RP1: variants seen among roughly 807,000 people sequenced by gnomAD.
RP1 encodes oxygen-regulated protein 1.
RP1 carries 16 observed loss-of-function variants against 14.8 expected under a neutral mutation model. The observed-to-expected ratio is 1.08, with a 90% CI of 0.73 to 1.65. RP1 has a LOEUF of 1.65. Ranked by LOEUF, RP1 falls within the 40% of genes most tolerant of loss-of-function variation. The pLI, the probability that RP1 is intolerant of heterozygous loss-of-function variation, is 0.00. For missense variants in RP1, 2,631 were observed against 2,535.0 expected (o/e 1.04, Z -0.81); for synonymous variants, 876 against 883.6 (o/e 0.99, Z 0.15).
Position 54,626,094 on chromosome 8 carries a change from A to G in RP1, c.2212A>G (p.Ile738Val). ...AGACCTCCAGAAAAGTGATACTGTA[A>G]TTGAATCAAATACTTTTTGTTCCAA... ...EEDLQKSDTV[I>V]ESNTFCSKSN... is the part of the protein sequence containing the mutation. The change falls in exon 4 of 4, where the codon ATT (isoleucine) becomes GTT (valine). Residue 738 changes from isoleucine to valine, a missense_variant. Transcript: ENST00000220676. The G allele has an allele frequency of 6.2e-7, 1 of 1,613,512 alleles. No homozygotes were observed. The highest frequency in any genetic ancestry group is 8.5e-7 in the Non-Finnish European group (1 of 1,179,700).
downstream of RP1, among the ~76,000 whole-genome samples, chr8:54,771,286 A>C (rs1809897602): frequency 6.6e-6 from 1 of 152,040 alleles, no homozygotes; most frequent in South Asian, 2.1e-4. Context: ...GTCAAGTAAT[A>C]AGGCTTGAAA....
intron 7 of RP1, among the ~76,000 whole-genome samples, chr8:54,670,571 ATG>A (rs1451997555): frequency 7.2e-6 from 1 of 138,746 alleles, no homozygotes; most frequent in African/African-American, 2.7e-5. Flanking sequence ...ATACATATAT[ATG>A]TATGTATATG....
chr8:54,810,708 C>T (rs572094199), intron 24 of RP1, among the ~76,000 whole-genome samples: 1 of 152,212 alleles, frequency 6.6e-6, no homozygotes, highest in Non-Finnish European at 1.5e-5. Context: ...TGTTCCAACA[C>T]TGTGCCTGCT....
exon 17 of RP1, chr8:54,726,459 T>C (rs1808656114): frequency 1.7e-5 from 26 of 1,531,128 alleles, no homozygotes; most frequent in Non-Finnish European, 2.1e-5. Context: ...AGGAGTCCCT[T>C]ACCTTCTTCA....
intron 22 of RP1, among the ~76,000 whole-genome samples, chr8:54,768,422 C>T (rs574694993): frequency 1.3e-5 from 2 of 152,234 alleles, no homozygotes; most frequent in Admixed American, 6.5e-5. Context: ...CCTCAGGTCA[C>T]GTTTCTTCTC....
At chr8:54,644,691 C>T (rs763182519) in intron 3 of RP1, among the ~76,000 whole-genome samples, 108 of 152,158 alleles carry the variant, frequency 7.1e-4, no homozygotes, top group Non-Finnish European at 1.3e-3. Context: ...ATTACCAAAT[C>T]TTTTTCAGTT....
chr8:54,826,692 A>C (rs557465710), intron 24 of RP1, among the ~76,000 whole-genome samples: 9 of 152,200 alleles, frequency 5.9e-5, no homozygotes, highest in Non-Finnish European at 1.3e-4. Flanking sequence ...CTCATATGTC[A>C]CTCAATCCAA....
intron 24 of RP1, among the ~76,000 whole-genome samples, chr8:54,826,430 T>C (rs536634440): frequency 6.6e-6 from 1 of 152,346 alleles, no homozygotes; most frequent in South Asian, 2.1e-4. Flanking sequence ...TAATTGAAAT[T>C]GTTAGCTTTG....
intron 24 of RP1, among the ~76,000 whole-genome samples, chr8:54,824,546 C>G (rs1490302416): frequency 6.6e-6 from 1 of 152,128 alleles, no homozygotes; most frequent in Non-Finnish European, 1.5e-5. Context: ...GGAATACTGT[C>G]TAACTCATTC....
rs560574380 is a variant in RP1 at position 54,681,654 on chromosome 8, A to G, written c.1717+1721A>G. ...CCTTCACCTAGGCATTAAGCCCAGCATCCTCTAGCTATTCTTCCTGATGCT... is the reference window on the plus strand; with the variant it reads ...CCTTCACCTAGGCATTAAGCCCAGCGTCCTCTAGCTATTCTTCCTGATGCT... On this transcript the variant is annotated intron_variant, in intron 12 of 22. Coordinates refer to the RP1 transcript ENST00000636932. 1.4e-4 allele frequency among the ~76,000 whole-genome samples: 22 copies of G among 151,960 alleles called. No homozygotes were observed. In the East Asian group the frequency reaches 3.9e-3, roughly 27 times the overall value.
chr8:54,755,903 C>A, intron 21 of RP1: 1 of 830,798 alleles, frequency 1.2e-6, no homozygotes, highest in Non-Finnish European at 1.7e-6. Flanking sequence ...ATTTTCCTGA[C>A]CTGACTTCCT....
chr8:54,611,087 A>G (rs1292324667), intron 1 of RP1, among the ~76,000 whole-genome samples: 2 of 152,170 alleles, frequency 1.3e-5, no homozygotes, highest in Non-Finnish European at 1.5e-5. Context: ...CAAGGTTTCT[A>G]ATGAGAAACT....
At chr8:54,836,772 A>T (rs1345359429) in intron 24 of RP1, among the ~76,000 whole-genome samples, 2 of 152,300 alleles carry the variant, frequency 1.3e-5, no homozygotes, top group East Asian at 3.9e-4. Flanking sequence ...GAATTGGAAG[A>T]CAATAAATGG....
chr8:54,633,710 CCTCTCTCTCTCT>C (rs3077384), downstream of RP1, among the ~76,000 whole-genome samples: 3 of 118,532 alleles, frequency 2.5e-5, no homozygotes, highest in African/African-American at 9.9e-5. Context: ...TTATTTTGTG[CCTCTCTCTCTCT>C]CTCTCTCTCT....
Position 54,621,613 on chromosome 8 carries a change from C to A in RP1, c.615+32C>A, listed in dbSNP as rs539171166. On this transcript the variant is annotated intron_variant, in intron 2 of 3. Transcript: ENST00000220676. ...GTTCTGGGGGCTCCTCGAGCCTGAG[C>A]TCATTTTGAGCACCCTACTAATTGG... The A allele has an allele frequency of 1.5e-5, 24 of 1,613,550 alleles. No individual in the cohort carries two copies. The African/African-American group carries it at 2.8e-4, about 19-fold the overall frequency.
intron 26 of RP1, among the ~76,000 whole-genome samples, chr8:54,856,206 T>G (rs1812194929): frequency 6.6e-6 from 1 of 152,128 alleles, no homozygotes; most frequent in South Asian, 2.1e-4. Context: ...AAGAATGCAC[T>G]GTAGGATTCT....
At position 54,629,387 on chromosome 8, in the gene RP1, G is replaced by T; in HGVS notation, c.5505G>T (p.Leu1835=). ...CAGAACCTTTTCATGAGGACTTGCT[G>T]GATGTTCGCAATGAAACCTGTGCCA... ...SDSEPFHEDL[L]DVRNETCAKE... Residue 1835 remains leucine, a synonymous_variant, in exon 4 of 4, where the codon CTG becomes CTT. Transcript: ENST00000220676. 6.2e-7 allele frequency: 1 copy of T among 1,614,064 alleles called. No homozygotes were observed. The highest frequency in any genetic ancestry group is 8.5e-7 in the Non-Finnish European group (1 of 1,179,968).
At chr8:54,734,557 A>T (rs1366524067) in exon 18 of RP1, 1 of 1,534,548 alleles carries the variant, frequency 6.5e-7, no homozygotes, top group East Asian at 2.4e-5. Context: ...GAAATCAGAC[A>T]TTTCCAAAGT....
chr8:54,718,118 A>C (rs1808447721), intron 15 of RP1, among the ~76,000 whole-genome samples: 1 of 152,180 alleles, frequency 6.6e-6, no homozygotes, highest in African/African-American at 2.4e-5. Flanking sequence ...TATATATTGG[A>C]AGACTCAAGG....
Sources: allele counts gnomAD v4.1 joint callset (sites outside exome capture counted in the v4.1 genomes callset), GRCh38; gene constraint gnomAD v4.1.1; transcripts MANE v1.5; gene names NCBI Gene and HGNC (gene_info 2026-07-23, HGNC 2026-07-21).